MEIKIN: variants seen among roughly 807,000 people sequenced by gnomAD.
MEIKIN encodes the protein meiotic kinetochore factor, also known as meiosis-specific kinetochore protein.
At chr5:131,840,172 A>G (rs1292934681) in intron 11 of MEIKIN, among the ~76,000 whole-genome samples, 1 of 152,218 alleles carries the variant, frequency 6.6e-6, no homozygotes, top group African/African-American at 2.4e-5. Context: ...TTCCTTAAGA[A>G]TGTTGAATAT....
intron 11 of MEIKIN, among the ~76,000 whole-genome samples, chr5:131,820,377 G>A (rs936379987): frequency 9.2e-5 from 14 of 152,138 alleles, no homozygotes; most frequent in Non-Finnish European, 1.5e-4. Flanking sequence ...GTGAACCACC[G>A]TGCCTGGCTG....
At chr5:131,895,074 T>C (rs922040338) in intron 8 of MEIKIN, among the ~76,000 whole-genome samples, 1 of 152,186 alleles carries the variant, frequency 6.6e-6, no homozygotes, top group East Asian at 1.9e-4. Flanking sequence ...GAATACCTAG[T>C]TTATTGAAAA....
chr5:131,927,055 CT>C (rs922958527), intron 5 of MEIKIN, among the ~76,000 whole-genome samples: 3 of 151,914 alleles, frequency 2.0e-5, no homozygotes, highest in East Asian at 3.9e-4. Flanking sequence ...GCTGTTCATT[CT>C]TTTTTTCTAG....
At chr5:131,876,206 GCAACCTA>G (rs1488484387) in intron 9 of MEIKIN, among the ~76,000 whole-genome samples, 6 of 152,004 alleles carry the variant, frequency 3.9e-5, no homozygotes, top group Admixed American at 6.6e-5. Context: ...GAGTGACCAG[GCAACCTA>G]CAGAATGGAA....
intron 4 of MEIKIN, among the ~76,000 whole-genome samples, chr5:131,934,380 G>A (rs1751739146): frequency 6.6e-6 from 1 of 152,056 alleles, no homozygotes; most frequent in South Asian, 2.1e-4. Flanking sequence ...ATATATTAAA[G>A]GAATTTAATA....
At chr5:131,858,880 A>G (rs1473581357) in intron 9 of MEIKIN, among the ~76,000 whole-genome samples, 2 of 152,308 alleles carry the variant, frequency 1.3e-5, no homozygotes, top group East Asian at 1.9e-4. Flanking sequence ...ATGAAATACC[A>G]TCTCACACCA....
At chr5:131,886,847 T>C (rs1268730664) in intron 8 of MEIKIN, among the ~76,000 whole-genome samples, 1 of 152,102 alleles carries the variant, frequency 6.6e-6, no homozygotes, top group African/African-American at 2.4e-5. Flanking sequence ...AGGGTACATG[T>C]GCACAACATG....
intron 8 of MEIKIN, among the ~76,000 whole-genome samples, chr5:131,881,092 A>C (rs1408107096): frequency 1.3e-5 from 2 of 152,212 alleles, no homozygotes; most frequent in Admixed American, 6.5e-5. Flanking sequence ...AGATAAAACT[A>C]ATACCAAGAT....
intron 11 of MEIKIN, among the ~76,000 whole-genome samples, chr5:131,830,630 A>G (rs955732298): frequency 2.6e-5 from 4 of 152,224 alleles, no homozygotes; most frequent in African/African-American, 9.6e-5. Context: ...TTAGCCAATT[A>G]TAGTTTACCA....
At chr5:131,865,344 C>T (rs529267302) in intron 9 of MEIKIN, among the ~76,000 whole-genome samples, 51 of 152,170 alleles carry the variant, frequency 3.4e-4, no homozygotes, top group African/African-American at 1.0e-3. Context: ...CTCAGCCTCC[C>T]GAGTAGCTGG....
chr5:131,892,166 A>C (rs1002671931), intron 8 of MEIKIN, among the ~76,000 whole-genome samples: 2 of 151,824 alleles, frequency 1.3e-5, no homozygotes, highest in East Asian at 3.9e-4. Context: ...CTTCATTTCA[A>C]CTTTGGTGAA....
At chr5:131,838,343 G>T (rs1314770799) in intron 11 of MEIKIN, among the ~76,000 whole-genome samples, 5 of 152,038 alleles carry the variant, frequency 3.3e-5, no homozygotes, top group Admixed American at 3.3e-4. Flanking sequence ...GCCAGGTTTT[G>T]GTATCAGGAT....
intron 11 of MEIKIN, among the ~76,000 whole-genome samples, chr5:131,847,160 G>C (rs1299482699): frequency 6.6e-6 from 1 of 151,934 alleles, no homozygotes; most frequent in Non-Finnish European, 1.5e-5. Context: ...AAAGATAAAG[G>C]CATATAGAGA....
At chr5:131,864,304 C>G (rs1750345225) in intron 9 of MEIKIN, among the ~76,000 whole-genome samples, 3 of 152,122 alleles carry the variant, frequency 2.0e-5, no homozygotes. Flanking sequence ...TGAGTCCTTT[C>G]TCCTCCTCCT....
At chr5:131,886,694 C>A (rs1371304636) in intron 8 of MEIKIN, among the ~76,000 whole-genome samples, 2 of 151,986 alleles carry the variant, frequency 1.3e-5, no homozygotes, top group Non-Finnish European at 2.9e-5. Context: ...CATGAATGAG[C>A]AATAAGAAAT....
intron 8 of MEIKIN, among the ~76,000 whole-genome samples, chr5:131,905,490 A>T (rs905886087): frequency 5.9e-5 from 9 of 152,182 alleles, no homozygotes; most frequent in Non-Finnish European, 1.2e-4. Flanking sequence ...CAAAACATCA[A>T]TGAATCAGGG....
chr5:131,882,309 A>T (rs1221125938), intron 8 of MEIKIN, among the ~76,000 whole-genome samples: 1 of 152,214 alleles, frequency 6.6e-6, no homozygotes, highest in Non-Finnish European at 1.5e-5. Context: ...AACTTAGAAA[A>T]GTACCACCTC....
At chr5:131,817,674 G>A (rs1229802164) in intron 12 of MEIKIN, among the ~76,000 whole-genome samples, 1 of 151,648 alleles carries the variant, frequency 6.6e-6, no homozygotes, top group Non-Finnish European at 1.5e-5. Flanking sequence ...TTTTTCTGGA[G>A]AACCCTGACA....
chr5:131,907,889 A>C (rs909959042), intron 8 of MEIKIN, among the ~76,000 whole-genome samples: 2 of 152,002 alleles, frequency 1.3e-5, no homozygotes, highest in African/African-American at 4.8e-5. Flanking sequence ...ATAAATAAAT[A>C]AATCCAAAAC....
Sources: gnomAD v4.1 joint callset for allele counts (sites outside exome capture counted in the v4.1 genomes callset) on GRCh38, gnomAD v4.1.1 for gene constraint, MANE v1.5 for transcripts, NCBI Gene and HGNC (gene_info 2026-07-23, HGNC 2026-07-21) for gene names.